DIS3L2: variants seen among roughly 807,000 people sequenced by gnomAD.
DIS3L2 encodes DIS3 like 3'-5' exoribonuclease 2, also known as DIS3-like exonuclease 2.
Under a neutral mutation model 97.5 loss-of-function variants are expected in DIS3L2, and 34 were observed. The observed-to-expected ratio is 0.35, with a 90% confidence interval of 0.27 to 0.46. The LOEUF is 0.46. Among genes scored for constraint, DIS3L2 ranks in the 20% least tolerant of loss-of-function variants. DIS3L2 has a pLI of 1.00. For missense variants in DIS3L2, 1,038 were observed against 1,146.0 expected, an observed-to-expected ratio of 0.91 and a Z score of 1.36; for synonymous variants, 435 against 445.2, an observed-to-expected ratio of 0.98 and a Z score of 0.29.
chr2:232,256,326 C>G (rs184394153), intron 12 of DIS3L2, among the ~76,000 whole-genome samples: 2 of 152,308 alleles, frequency 1.3e-5, no homozygotes, highest in Admixed American at 1.3e-4. Context: ...TGCTGCAGGC[C>G]CCCTCCCCAG....
At chr2:232,246,607 G>A (rs958411016) in intron 11 of DIS3L2, among the ~76,000 whole-genome samples, 7 of 152,176 alleles carry the variant, frequency 4.6e-5, no homozygotes, top group Non-Finnish European at 7.3e-5. Context: ...TACAAGAAGC[G>A]GTGGGCCCAG....
intron 6 of DIS3L2, among the ~76,000 whole-genome samples, chr2:232,121,514 G>A (rs980477480): frequency 6.6e-6 from 1 of 152,114 alleles, no homozygotes; most frequent in Non-Finnish European, 1.5e-5. Flanking sequence ...TCTTTGAAGT[G>A]CCAGATCTAA....
At chr2:231,994,447 A>G (rs1379579738) in intron 1 of DIS3L2, among the ~76,000 whole-genome samples, 1 of 152,166 alleles carries the variant, frequency 6.6e-6, no homozygotes, top group Non-Finnish European at 1.5e-5. Context: ...ATTATGTTAA[A>G]TGTATAAATC....
At chr2:232,249,841 T>G (rs1693369393) in intron 12 of DIS3L2, among the ~76,000 whole-genome samples, 1 of 152,100 alleles carries the variant, frequency 6.6e-6, no homozygotes, top group Non-Finnish European at 1.5e-5. Context: ...TGTAGAAAGG[T>G]CAGTGGTGCA....
At chr2:232,236,463 A>C (rs1165225760) in intron 10 of DIS3L2, among the ~76,000 whole-genome samples, 3 of 152,194 alleles carry the variant, frequency 2.0e-5, no homozygotes, top group Non-Finnish European at 4.4e-5. Flanking sequence ...TTTCAGGCTC[A>C]GCTGGATCCT....
chr2:232,104,477 CATTA>C (rs1346157544), intron 6 of DIS3L2, among the ~76,000 whole-genome samples: 2 of 152,076 alleles, frequency 1.3e-5, no homozygotes, highest in Non-Finnish European at 2.9e-5. Context: ...AATTCAATGT[CATTA>C]ATTACATTTT....
At chr2:232,040,979 A>T (rs905825012) in intron 5 of DIS3L2, among the ~76,000 whole-genome samples, 2 of 152,246 alleles carry the variant, frequency 1.3e-5, no homozygotes, top group Admixed American at 6.5e-5. Context: ...AGCATTAGGT[A>T]ATAGGTAATA....
chr2:232,218,983 G>T (rs1339368885), intron 10 of DIS3L2, among the ~76,000 whole-genome samples: 2 of 152,162 alleles, frequency 1.3e-5, no homozygotes, highest in Admixed American at 1.3e-4. Flanking sequence ...CGCACAGTGG[G>T]GGCTGGTCAC....
intron 9 of DIS3L2, among the ~76,000 whole-genome samples, chr2:232,194,698 A>G (rs1242081599): frequency 6.6e-6 from 1 of 152,206 alleles, no homozygotes; most frequent in African/African-American, 2.4e-5. Flanking sequence ...GAGCTGCTTT[A>G]GTAGGAATGG....
At chr2:232,339,578 T>TGAC (rs1321092468), downstream of DIS3L2, 2 of 383,456 alleles carry the variant, frequency 5.2e-6, no homozygotes, top group African/African-American at 4.2e-5. Context: ...GCAGCCGAAG[T>TGAC]GACAGGTTGG....
At chr2:232,197,492 A>C (rs1039157146) in intron 9 of DIS3L2, among the ~76,000 whole-genome samples, 1 of 152,194 alleles carries the variant, frequency 6.6e-6, no homozygotes, top group Admixed American at 6.5e-5. Flanking sequence ...TGAAGAAACT[A>C]TATCAGAACT....
At chr2:232,131,056 T>G (rs144898882) in intron 7 of DIS3L2, 182 of 236,912 alleles carry the variant, frequency 7.7e-4, no homozygotes, top group African/African-American at 3.2e-3. Flanking sequence ...AGAAGCAGTA[T>G]GAATATAGAC....
At chr2:232,339,871 G>A (rs1215697660), downstream of DIS3L2, 2 of 370,788 alleles carry the variant, frequency 5.4e-6, no homozygotes, top group Non-Finnish European at 1.1e-5. Context: ...GGAGGTCCCG[G>A]GAGGACCTGG....
intron 3 of DIS3L2, among the ~76,000 whole-genome samples, chr2:232,016,446 G>A (rs1559543840): frequency 6.6e-6 from 1 of 152,162 alleles, no homozygotes; most frequent in Non-Finnish European, 1.5e-5. Context: ...GGTGACCAGG[G>A]TATATGGCAA....
At chr2:232,297,278 C>T (rs1308135649) in intron 13 of DIS3L2, among the ~76,000 whole-genome samples, 1 of 152,204 alleles carries the variant, frequency 6.6e-6, no homozygotes, top group African/African-American at 2.4e-5. Flanking sequence ...AAGTGAAGTT[C>T]ACACACTCCT....
intron 14 of DIS3L2, among the ~76,000 whole-genome samples, chr2:232,315,030 G>T (rs1463999143): frequency 6.6e-6 from 1 of 152,150 alleles, no homozygotes; most frequent in Non-Finnish European, 1.5e-5. Context: ...CAGCTCTCTG[G>T]TCCCTCATGC....
chr2:232,265,369 T>A (rs1306767175), intron 13 of DIS3L2, among the ~76,000 whole-genome samples: 1 of 152,240 alleles, frequency 6.6e-6, no homozygotes, highest in Non-Finnish European at 1.5e-5. Context: ...AACTACTAAC[T>A]GGATGCTAAC....
At position 231,971,688 on chromosome 2, in the gene DIS3L2, C is replaced by T. The variant is rs183449283; in HGVS notation, c.-94+9923C>T. ...GTCTCGATCTCCTGACCTTGTGATC[C>T]GCCTGCCTTGGCCTCCCAAAGTGCT... On this transcript the variant is annotated intron_variant, in intron 1 of 20. Transcript: ENST00000325385. 2.2e-3 allele frequency among the ~76,000 whole-genome samples: 334 copies of T among 151,832 alleles called. 1 individual carries two copies. Among genetic ancestry groups the T allele is most frequent in the Non-Finnish European group, 2.0e-3 (138 of 67,910 alleles).
intron 5 of DIS3L2, among the ~76,000 whole-genome samples, chr2:232,045,906 C>G (rs866605511): frequency 6.6e-6 from 1 of 152,040 alleles, no homozygotes; most frequent in South Asian, 2.1e-4. Flanking sequence ...AACCCCTGAA[C>G]TCAGGTGATC....
Sources: allele counts gnomAD v4.1 joint callset (sites outside exome capture counted in the v4.1 genomes callset), GRCh38; gene constraint gnomAD v4.1.1; transcripts MANE v1.5; gene names NCBI Gene and HGNC (gene_info 2026-07-23, HGNC 2026-07-21).